IGF2BP3: variants seen among roughly 807,000 people sequenced by gnomAD.
IGF2BP3 encodes the protein insulin-like growth factor 2 mRNA-binding protein 3.
Under a neutral mutation model 73.8 loss-of-function variants are expected in IGF2BP3, and 9 were observed. The ratio of observed to expected loss-of-function variants is 0.12; its 90% confidence interval spans 0.07 to 0.21. The LOEUF is 0.21. Among genes scored for constraint, IGF2BP3 ranks in the 10% least tolerant of loss-of-function variants. The probability of loss-of-function intolerance (pLI) is 1.00; values close to 1 mark genes in which losing one functional copy is unlikely to be tolerated. For missense variants in IGF2BP3, 542 were observed against 714.0 expected (o/e 0.76, Z 2.75); for synonymous variants, 258 against 256.7 (o/e 1.01, Z -0.05).
At chr7:23,319,974 G>A (rs1026274006) in intron 10 of IGF2BP3, among the ~76,000 whole-genome samples, 5 of 151,830 alleles carry the variant, frequency 3.3e-5, no homozygotes, top group Admixed American at 6.6e-5. Flanking sequence ...GCAATGGCAC[G>A]ATCTCGGCTC....
chr7:23,367,422 C>A (rs1322943769), intron 3 of IGF2BP3, among the ~76,000 whole-genome samples: 1 of 141,910 alleles, frequency 7.0e-6, no homozygotes, highest in Non-Finnish European at 1.5e-5. Flanking sequence ...GCCACAAATA[C>A]TTCTTTTAAA....
chr7:23,407,960 CGGGGGGG>C (rs57634623), intron 3 of IGF2BP3, among the ~76,000 whole-genome samples: 45 of 66,002 alleles, frequency 6.8e-4, no homozygotes, highest in Admixed American at 1.5e-3. Flanking sequence ...GGGCGGGGGG[CGGGGGGG>C]GGGGGAGTCA....
chr7:23,451,872 C>T (rs777341171), intron 2 of IGF2BP3, among the ~76,000 whole-genome samples: 7 of 148,848 alleles, frequency 4.7e-5, no homozygotes, highest in Admixed American at 1.3e-4. Context: ...CACTTGAACA[C>T]GGGAGGCAGA....
intron 10 of IGF2BP3, among the ~76,000 whole-genome samples, chr7:23,324,341 G>A (rs1347424886): frequency 3.3e-5 from 5 of 151,882 alleles, no homozygotes; most frequent in East Asian, 3.9e-4. Context: ...TAAATTCCTC[G>A]ACACATACAC....
intron 3 of IGF2BP3, among the ~76,000 whole-genome samples, chr7:23,369,083 A>T (rs1230136307): frequency 2.0e-5 from 3 of 152,164 alleles, no homozygotes; most frequent in Non-Finnish European, 4.4e-5. Context: ...CCTTTTGGCC[A>T]AGCATCATCC....
At chr7:23,438,795 C>T (rs1316140566) in intron 2 of IGF2BP3, among the ~76,000 whole-genome samples, 2 of 151,934 alleles carry the variant, frequency 1.3e-5, no homozygotes, top group Non-Finnish European at 1.5e-5. Flanking sequence ...AGTTAAATTA[C>T]TTTCTCAGAA....
chr7:23,461,796 G>A (rs941526191), intron 2 of IGF2BP3, among the ~76,000 whole-genome samples: 1 of 152,106 alleles, frequency 6.6e-6, no homozygotes, highest in Non-Finnish European at 1.5e-5. Context: ...TACAAAGATA[G>A]CCACCATCAA....
At chr7:23,366,960 C>T (rs1785390935) in intron 3 of IGF2BP3, among the ~76,000 whole-genome samples, 1 of 150,214 alleles carries the variant, frequency 6.7e-6, no homozygotes, top group Non-Finnish European at 1.5e-5. Flanking sequence ...ATAAATACAA[C>T]TTACACTTGG....
chr7:23,440,699 C>T (rs1045207316), intron 2 of IGF2BP3, among the ~76,000 whole-genome samples: 4 of 152,200 alleles, frequency 2.6e-5, no homozygotes, highest in Admixed American at 2.6e-4. Flanking sequence ...AGGACTCCAA[C>T]AACCCCTAAC....
chr7:23,457,313 A>C (rs1448343420), intron 2 of IGF2BP3, among the ~76,000 whole-genome samples: 1 of 151,820 alleles, frequency 6.6e-6, no homozygotes, highest in African/African-American at 2.4e-5. Flanking sequence ...AAAAATACAA[A>C]AATTAGCCGG....
At chr7:23,383,572 C>T (rs954090281) in intron 3 of IGF2BP3, among the ~76,000 whole-genome samples, 2 of 152,110 alleles carry the variant, frequency 1.3e-5, no homozygotes, top group African/African-American at 4.8e-5. Context: ...AACAGTCTGG[C>T]AATTTCTCAA....
intron 6 of IGF2BP3, among the ~76,000 whole-genome samples, chr7:23,348,615 T>G (rs1784888708): frequency 6.6e-6 from 1 of 152,150 alleles, no homozygotes; most frequent in Non-Finnish European, 1.5e-5. Context: ...GGCCAGATTC[T>G]TTGTTGTGGA....
At chr7:23,391,352 A>G (rs1047648111) in intron 3 of IGF2BP3, among the ~76,000 whole-genome samples, 5 of 150,740 alleles carry the variant, frequency 3.3e-5, no homozygotes, top group African/African-American at 1.2e-4. Flanking sequence ...TGCCTGCCTC[A>G]GCCTCCCAAA....
At position 23,457,215 on chromosome 7, in the gene IGF2BP3, C is replaced by A. The variant is rs562164777; in HGVS notation, c.236+11267G>T. On this transcript the variant is annotated intron_variant, in intron 2 of 14. Coordinates refer to ENST00000258729, the MANE Select transcript of IGF2BP3 (RefSeq NM_006547.3). Reference sequence around the variant, plus strand: ...GCGATGACTCACTCAGTACTCCCAGCACTTTGGGAGGCTAAGGCAGGAGGA... The same window carrying A: ...GCGATGACTCACTCAGTACTCCCAGAACTTTGGGAGGCTAAGGCAGGAGGA... 1.1e-3 allele frequency among the ~76,000 whole-genome samples: 171 copies of A among 152,260 alleles called. 1 individual carries two copies. Among genetic ancestry groups the A allele is most frequent in the African/African-American group, 3.7e-3 (154 of 41,540 alleles).
intron 3 of IGF2BP3, among the ~76,000 whole-genome samples, chr7:23,362,047 T>C (rs1420461461): frequency 6.6e-6 from 1 of 152,188 alleles, no homozygotes; most frequent in South Asian, 2.1e-4. Context: ...CATATATTTC[T>C]CATACATACA....
chr7:23,428,241 G>C (rs907786173), intron 2 of IGF2BP3, among the ~76,000 whole-genome samples: 6 of 152,066 alleles, frequency 3.9e-5, no homozygotes, highest in Non-Finnish European at 8.8e-5. Flanking sequence ...GGAGGCCAAG[G>C]CAGGCAGATC....
chr7:23,362,052 C>A (rs144798732), intron 3 of IGF2BP3, among the ~76,000 whole-genome samples: 1 of 152,300 alleles, frequency 6.6e-6, no homozygotes, highest in African/African-American at 2.4e-5. Context: ...ATTTCTCATA[C>A]ATACACAAAC....
chr7:23,443,576 C>A (rs895018130), intron 2 of IGF2BP3, among the ~76,000 whole-genome samples: 1 of 152,038 alleles, frequency 6.6e-6, no homozygotes. Context: ...GAGGCTGAGG[C>A]AGGGGAATCT....
At chr7:23,381,637 C>CATCTCACTG (rs1261062668) in intron 3 of IGF2BP3, among the ~76,000 whole-genome samples, 1 of 151,986 alleles carries the variant, frequency 6.6e-6, no homozygotes, top group Non-Finnish European at 1.5e-5. Context: ...GGCATGACCT[C>CATCTCACTG]ATCTCACTGC....
Sources: allele counts gnomAD v4.1 joint callset (sites outside exome capture counted in the v4.1 genomes callset), GRCh38; gene constraint gnomAD v4.1.1; transcripts MANE v1.5; gene names NCBI Gene and HGNC (gene_info 2026-07-23, HGNC 2026-07-21).